DNAH3: variants seen among roughly 807,000 people sequenced by gnomAD.
DNAH3 encodes dynein axonemal heavy chain 3, also known as axonemal beta dynein heavy chain 3.
DNAH3 carries 332 observed loss-of-function variants against 432.5 expected under a neutral mutation model. The observed-to-expected ratio is 0.77, with a 90% CI of 0.70 to 0.84. DNAH3 has a LOEUF of 0.84. Ranked by LOEUF, DNAH3 falls within the 40% of genes least tolerant of loss-of-function variation. The pLI is 0.00. For missense variants in DNAH3, 4,861 were observed against 5,114.0 expected (o/e 0.95, Z 1.51); for synonymous variants, 1,956 against 1,900.2 (o/e 1.03, Z -0.76).
intron 27 of DNAH3, among the ~76,000 whole-genome samples, chr16:21,056,875 C>T (rs542769483): frequency 3.3e-5 from 5 of 152,194 alleles, no homozygotes; most frequent in African/African-American, 7.2e-5. Flanking sequence ...AAATGATGTA[C>T]GTGAAAGCAG....
At chr16:21,009,847 T>C (rs1411514722) in intron 41 of DNAH3, among the ~76,000 whole-genome samples, 2 of 141,648 alleles carry the variant, frequency 1.4e-5, no homozygotes, top group Non-Finnish European at 3.0e-5. Flanking sequence ...ACTACGCCAC[T>C]GCACTCCAGC....
At chr16:21,157,999 CAG>C (rs1014431579) in intron 1 of DNAH3, among the ~76,000 whole-genome samples, 17 of 151,786 alleles carry the variant, frequency 1.1e-4, no homozygotes, top group African/African-American at 4.1e-4. Context: ...AGCTCAGAAA[CAG>C]AATTATTCCG....
chr16:21,111,626 C>A (rs769804159), exon 14 of DNAH3: 1 of 1,609,048 alleles, frequency 6.2e-7, no homozygotes, highest in South Asian at 1.1e-5. Flanking sequence ...ATTACAATAC[C>A]TGGTATTGGT....
chr16:21,054,432 T>C, exon 28 of DNAH3: 1 of 1,614,008 alleles, frequency 6.2e-7, no homozygotes, highest in Non-Finnish European at 8.5e-7. Flanking sequence ...TGGACATCGA[T>C]GACCGTGAGG....
intron 32 of DNAH3, among the ~76,000 whole-genome samples, chr16:21,040,385 T>TTTTTTTTTG (rs2089384324): frequency 7.7e-6 from 1 of 130,312 alleles, no homozygotes; most frequent in African/African-American, 2.8e-5. Context: ...TTTTTTTTTT[T>TTTTTTTTTG]TAAGACAGAG....
In DNAH3 at chr16:21,106,769, T is replaced by A. The variant is rs188981292; in HGVS notation, c.2100-95A>T. On this transcript the variant is annotated intron_variant, in intron 14 of 61. Coordinates refer to ENST00000261383, the Ensembl canonical transcript of DNAH3. ...TGTAAGACTCCATGTTCAAAATACA[T>A]AATTCCTATTTGAAAAAAAAAGAAA... The A allele has an allele frequency of 1.1e-5, 12 of 1,098,358 alleles. No homozygotes were observed. In the Admixed American group the frequency reaches 1.2e-4, roughly 11 times the overall value. The allele number at this position is 1,098,358 out of a possible 1,614,324, so 68.0% of individuals were successfully genotyped here.
At chr16:20,994,514 A>T (rs2086683751) in intron 44 of DNAH3, among the ~76,000 whole-genome samples, 1 of 152,224 alleles carries the variant, frequency 6.6e-6, no homozygotes, top group Admixed American at 6.5e-5. Context: ...TGGCCATTTT[A>T]ACCATTTTTA....
chr16:21,097,606 GCT>G (rs2091722723), intron 17 of DNAH3, 107 bp from the exon 18 acceptor site: 6 of 1,341,574 alleles, frequency 4.5e-6, no homozygotes, highest in Non-Finnish European at 5.2e-6. Context: ...GGAGGGAAAT[GCT>G]TATTCATCTG....
chr16:21,084,617 T>A (rs1396820419), intron 19 of DNAH3, among the ~76,000 whole-genome samples: 1 of 152,138 alleles, frequency 6.6e-6, no homozygotes, highest in African/African-American at 2.4e-5. Context: ...CCACGGCACC[T>A]GACTGGGATT....
exon 14 of DNAH3, chr16:21,111,748 C>G (rs533566785): frequency 2.5e-6 from 4 of 1,613,898 alleles, no homozygotes; most frequent in Admixed American, 1.7e-5. Flanking sequence ...TGGCTAAAGG[C>G]ACGGTGATGT....
intron 13 of DNAH3, 37 bp downstream of exon 13, chr16:21,111,956 G>C: frequency 6.4e-7 from 1 of 1,572,054 alleles, no homozygotes; most frequent in Non-Finnish European, 8.7e-7. Flanking sequence ...TGCAGCACAT[G>C]TCACCAAGGT....
intron 1 of DNAH3, among the ~76,000 whole-genome samples, chr16:21,148,931 T>C (rs150396553): frequency 4.1e-4 from 63 of 152,202 alleles, no homozygotes; most frequent in East Asian, 1.5e-3. Context: ...AAATTGTTTG[T>C]TAAAAATATG....
intron 31 of DNAH3, among the ~76,000 whole-genome samples, chr16:21,046,245 T>C (rs2089690918): frequency 7.0e-6 from 1 of 142,942 alleles, no homozygotes; most frequent in Non-Finnish European, 1.5e-5. Flanking sequence ...ACTTTCTGTC[T>C]CATTGATCTG....
chr16:21,058,462 T>C (rs1248387573), intron 26 of DNAH3, among the ~76,000 whole-genome samples: 1 of 152,190 alleles, frequency 6.6e-6, no homozygotes, highest in South Asian at 2.1e-4. Flanking sequence ...TCCATAGTTA[T>C]AATCAAGGTG....
At chr16:20,952,087 G>A (rs1596921835) in intron 56 of DNAH3, among the ~76,000 whole-genome samples, 1 of 151,864 alleles carries the variant, frequency 6.6e-6, no homozygotes, top group East Asian at 1.9e-4. Context: ...TATGTTGGTC[G>A]GGCTGGTCTC....
intron 43 of DNAH3, among the ~76,000 whole-genome samples, chr16:20,998,504 C>T (rs1272343945): frequency 6.6e-6 from 1 of 152,140 alleles, no homozygotes; most frequent in African/African-American, 2.4e-5. Context: ...CCACCTGCCT[C>T]AGCCTCCCAA....
In DNAH3 at chr16:20,982,874, A is replaced by G. The variant is rs374168243; in HGVS notation, c.7706T>C (p.Ile2569Thr). ...CAGGCGGTTCCTGAAGGCATCCCCT[A>G]TTGGACTCATGGCTAATGAAAAGGA... Residue 2569 changes from isoleucine to threonine, a missense_variant, in exon 49 of 62, where the codon ATA (isoleucine) becomes ACA (threonine). Physicochemically the swap from Ile to Thr is moderately conservative, Grantham distance 89 (BLOSUM62 -1). Transcript: ENST00000261383. 2.5e-6 allele frequency: 4 copies of G among 1,614,072 alleles called. No homozygotes were observed. Among genetic ancestry groups the G allele is most frequent in the Non-Finnish European group, 2.5e-6 (3 of 1,179,968 alleles).
At chr16:21,046,356 C>A (rs1464945822) in intron 31 of DNAH3, among the ~76,000 whole-genome samples, 1 of 150,412 alleles carries the variant, frequency 6.6e-6, no homozygotes, top group Non-Finnish European at 1.5e-5. Context: ...AATCTTGGTG[C>A]TCCTGTATTG....
At chr16:21,135,804 C>T (rs1050987544) in intron 6 of DNAH3, among the ~76,000 whole-genome samples, 4 of 149,744 alleles carry the variant, frequency 2.7e-5, no homozygotes, top group Non-Finnish European at 5.9e-5. Context: ...TTTGGGAGGC[C>T]GAGGCAGGAG....
Sources: allele counts gnomAD v4.1 joint callset (sites outside exome capture counted in the v4.1 genomes callset), GRCh38; gene constraint gnomAD v4.1.1; transcripts MANE v1.5; gene names NCBI Gene and HGNC (gene_info 2026-07-23, HGNC 2026-07-21).